LARP1B: variants seen among roughly 807,000 people sequenced by gnomAD.
The protein encoded by LARP1B is la-related protein 1B.
In LARP1B, 76 loss-of-function variants were observed where a neutral mutation model predicts 114.2. That is an observed-to-expected ratio of 0.67 (90% CI 0.55 to 0.81). The LOEUF (loss-of-function observed/expected upper bound fraction) is 0.81. Ranked by LOEUF, LARP1B falls within the 30% of genes least tolerant of loss-of-function variation. LARP1B has a pLI of 0.00. For synonymous variants in LARP1B, 345 were observed against 348.0 expected (o/e 0.99, Z 0.10); for missense variants, 1,014 against 1,075.8 (o/e 0.94, Z 0.80).
rs1458365216 is a variant in LARP1B, at chr4:128,109,741, C to T, written c.988+2428C>T. Among the ~76,000 whole-genome samples the T allele has an allele frequency of 2.7e-5, 4 of 150,176 alleles. No individual in the cohort carries two copies. In the East Asian group the frequency reaches 7.7e-4, roughly 29 times the overall value. ...TTTTTTTCCCCTTGACTCTTAGCACCACTCAATGAAAATTTTAAAAAGTGC... is the reference window on the plus strand; with the variant it reads ...TTTTTTTCCCCTTGACTCTTAGCACTACTCAATGAAAATTTTAAAAAGTGC... On this transcript the variant is annotated intron_variant, in intron 9 of 19. Transcript: ENST00000326639.
upstream of LARP1B, among the ~76,000 whole-genome samples, chr4:128,060,983 G>A (rs1185030969): frequency 6.6e-6 from 1 of 152,000 alleles, no homozygotes; most frequent in Non-Finnish European, 1.5e-5. Context: ...GGCCCGCCCA[G>A]GCCCTTGGCC....
At chr4:128,129,330 CAG>C (rs1489337083) in intron 11 of LARP1B, among the ~76,000 whole-genome samples, 2 of 122,964 alleles carry the variant, frequency 1.6e-5, no homozygotes, top group Non-Finnish European at 3.2e-5. Context: ...GCCTGGGCGA[CAG>C]AGCAAGACTC....
chr4:128,123,735 A>C (rs1006917969), intron 11 of LARP1B: 1 of 973,496 alleles, frequency 1.0e-6, no homozygotes, highest in Non-Finnish European at 1.2e-6. Flanking sequence ...ATTGTGTATA[A>C]TATTTGTTCT....
intron 10 of LARP1B, among the ~76,000 whole-genome samples, chr4:128,119,552 C>T (rs549988907): frequency 1.3e-5 from 2 of 152,242 alleles, no homozygotes; most frequent in South Asian, 4.1e-4. Flanking sequence ...ATTGACTGTT[C>T]CAGCTGTGTT....
At chr4:128,168,001 GTTTA>G (rs919274556) in intron 12 of LARP1B, among the ~76,000 whole-genome samples, 3 of 152,008 alleles carry the variant, frequency 2.0e-5, no homozygotes, top group Admixed American at 6.6e-5. Context: ...GATGTAAACA[GTTTA>G]TTTATCCACT....
intron 7 of LARP1B, among the ~76,000 whole-genome samples, chr4:128,221,310 T>G (rs906841364): frequency 1.3e-5 from 2 of 152,156 alleles, no homozygotes; most frequent in Non-Finnish European, 2.9e-5. Flanking sequence ...TTGCATTAGT[T>G]TATTTAGGGT....
At chr4:128,100,751 T>C (rs1475026240) in intron 8 of LARP1B, among the ~76,000 whole-genome samples, 1 of 152,116 alleles carries the variant, frequency 6.6e-6, no homozygotes, top group Non-Finnish European at 1.5e-5. Context: ...AAGTCCATTA[T>C]GTATTTTGCA....
At position 128,211,073 on chromosome 4, in the gene LARP1B, A is replaced by G; in HGVS notation, c.*1020A>G. 2 of 899,860 alleles carry G rather than the reference A, an allele frequency of 2.2e-6. No individual in the cohort carries two copies. Among genetic ancestry groups the G allele is most frequent in the Non-Finnish European group, 2.7e-6 (2 of 752,306 alleles). 55.7% of individuals were successfully genotyped at this position (899,860 alleles called of 1,614,324 possible). On this transcript the variant is annotated 3_prime_UTR_variant, in exon 20 of 20. Coordinates refer to ENST00000326639, the MANE Select transcript of LARP1B (RefSeq NM_018078.4). Reference sequence around the variant, plus strand: ...ATTTCTAATTTTTATTGCTATTACAACTGATGTAAATGGTAGTTTCAGTTT... The same window carrying G: ...ATTTCTAATTTTTATTGCTATTACAGCTGATGTAAATGGTAGTTTCAGTTT...
chr4:128,213,137 C>T (rs1200500957), downstream of LARP1B, among the ~76,000 whole-genome samples: 12 of 152,070 alleles, frequency 7.9e-5, no homozygotes, highest in South Asian at 2.1e-4. Context: ...AGGCTGGTCT[C>T]GAACTACTGA....
intron 11 of LARP1B, among the ~76,000 whole-genome samples, chr4:128,137,349 C>G (rs181935500): frequency 6.6e-6 from 1 of 152,274 alleles, no homozygotes; most frequent in East Asian, 1.9e-4. Flanking sequence ...TGGTTCTTCT[C>G]CAATTGTCTT....
At chr4:128,100,210 G>A (rs541045496) in intron 8 of LARP1B, among the ~76,000 whole-genome samples, 14 of 152,084 alleles carry the variant, frequency 9.2e-5, no homozygotes, top group African/African-American at 2.2e-4. Flanking sequence ...CGATCCATCC[G>A]CCTTGGCCTC....
intron 11 of LARP1B, chr4:128,156,244 A>C (rs1407297915): frequency 3.7e-6 from 5 of 1,341,962 alleles, no homozygotes; most frequent in Admixed American, 1.8e-5. Flanking sequence ...CACCCTAAGC[A>C]ACGTCTGCTC....
At chr4:128,187,511 C>T (rs1033152491) in intron 15 of LARP1B, among the ~76,000 whole-genome samples, 4 of 152,220 alleles carry the variant, frequency 2.6e-5, no homozygotes, top group African/African-American at 7.2e-5. Flanking sequence ...GCCTATACCT[C>T]CATTGTATCT....
At chr4:128,151,297 C>T (rs950643462) in intron 11 of LARP1B, among the ~76,000 whole-genome samples, 3 of 152,156 alleles carry the variant, frequency 2.0e-5, no homozygotes, top group African/African-American at 7.2e-5. Flanking sequence ...CCACAATTAT[C>T]AAAAACACAA....
intron 11 of LARP1B, among the ~76,000 whole-genome samples, chr4:128,128,642 T>A (rs1488354993): frequency 6.6e-6 from 1 of 152,202 alleles, no homozygotes; most frequent in African/African-American, 2.4e-5. Flanking sequence ...TACCACGTAT[T>A]GCTGGCCTGG....
chr4:128,181,684 CCT>C (rs1457773208), intron 15 of LARP1B, among the ~76,000 whole-genome samples: 2 of 151,872 alleles, frequency 1.3e-5, no homozygotes, highest in Non-Finnish European at 2.9e-5. Flanking sequence ...TTGTGGCACC[CCT>C]GTGTTGAGCA....
intron 11 of LARP1B, chr4:128,155,558 A>AT (rs1276739299): frequency 1.3e-5 from 11 of 815,406 alleles, no homozygotes. Context: ...GTACAGCTTC[A>AT]TTTTCTGGGG....
chr4:128,094,062 T>C (rs1776919570), intron 7 of LARP1B, among the ~76,000 whole-genome samples: 2 of 151,918 alleles, frequency 1.3e-5, no homozygotes, highest in South Asian at 2.1e-4. Flanking sequence ...CTACTTTTTT[T>C]TAACTTTTTA....
chr4:128,220,358 G>T (rs1759921193), exon 7 of LARP1B: 1 of 959,586 alleles, frequency 1.0e-6, no homozygotes, highest in Non-Finnish European at 1.2e-6. Flanking sequence ...TGCATAGGAG[G>T]CTGATCCGAT....
Sources: gnomAD v4.1 joint callset for allele counts (sites outside exome capture counted in the v4.1 genomes callset) on GRCh38, gnomAD v4.1.1 for gene constraint, MANE v1.5 for transcripts, NCBI Gene and HGNC (gene_info 2026-07-23, HGNC 2026-07-21) for gene names.